Variants in AGAP1 observed in about 807,000 individuals in gnomAD.
AGAP1 encodes arf-GAP with GTPase, ANK repeat and PH domain-containing protein 1.
AGAP1 carries 29 observed loss-of-function variants against 105.3 expected under a neutral mutation model. That is an observed-to-expected ratio of 0.28 (90% CI 0.21 to 0.38). The LOEUF is 0.38. Ranked by LOEUF, AGAP1 falls within the 10% of genes least tolerant of loss-of-function variation. AGAP1 has a pLI of 1.00. For missense variants in AGAP1, 998 were observed against 1,165.1 expected (o/e 0.86, Z 2.09); for synonymous variants, 509 against 485.9 (o/e 1.05, Z -0.63).
At position 236,042,738 on chromosome 2, in the gene AGAP1, G is replaced by T. The variant is rs191240034; in HGVS notation, c.1891+1897G>T. ...GGGGTGGGAAAGGGAGGCCAGTGCA[G>T]GGGAGGTGTGGGCCAGTTTGTTCTG... On this transcript the variant is annotated intron_variant, in intron 15 of 17. Transcript: ENST00000304032. The surrounding 1 kb of genome is among the most constrained non-coding windows in gnomAD (Gnocchi z 5.6). Among the ~76,000 whole-genome samples the T allele has an allele frequency of 1.8e-4, 27 of 152,284 alleles. No individual in the cohort carries two copies. The highest frequency in any genetic ancestry group is 1.0e-4 in the Non-Finnish European group (7 of 68,028).
At chr2:235,762,386 A>T (rs188758374) in intron 6 of AGAP1, among the ~76,000 whole-genome samples, 180 of 152,214 alleles carry the variant, frequency 1.2e-3, no homozygotes, top group Non-Finnish European at 2.1e-3. Flanking sequence ...GGATGTGAGG[A>T]ATTCAGGCTC....
chr2:235,617,772 G>A (rs1946354017), intron 1 of AGAP1, among the ~76,000 whole-genome samples: 1 of 152,214 alleles, frequency 6.6e-6, no homozygotes, highest in Non-Finnish European at 1.5e-5. Context: ...AGTTTGGATA[G>A]AAACATGTCT....
intron 13 of AGAP1, among the ~76,000 whole-genome samples, chr2:236,008,915 G>A (rs1402991335): frequency 6.6e-6 from 1 of 152,166 alleles, no homozygotes; most frequent in Non-Finnish European, 1.5e-5. Flanking sequence ...TCTGTGTTTT[G>A]TGGCTCCAAA....
At chr2:235,895,126 G>C (rs1408632517) in intron 10 of AGAP1, among the ~76,000 whole-genome samples, 1 of 152,224 alleles carries the variant, frequency 6.6e-6, no homozygotes, top group African/African-American at 2.4e-5. Context: ...GCTCAGTTCA[G>C]CTAGCGCAGT....
Position 235,750,497 on chromosome 2 carries a change from G to GC in AGAP1, c.673+10dup, listed in dbSNP as rs1953338039. 20 of 1,614,088 alleles carry GC rather than the reference G, an allele frequency of 1.2e-5. 3 individuals carry two copies. The East Asian group carries it at 4.5e-4, about 36-fold the overall frequency. ...GAGGGTCTTCCAGGACGGTAAATGC[G>GC]CGTGGCTGGGAGTTTAATTTCAGTT... On this transcript the variant is annotated intron_variant, in intron 6 of 17. Coordinates refer to ENST00000304032, the MANE Select transcript of AGAP1 (RefSeq NM_001037131.3). The surrounding 1 kb of genome is among the most constrained non-coding windows in gnomAD (Gnocchi z 5.3).
intron 9 of AGAP1, among the ~76,000 whole-genome samples, chr2:235,868,310 A>C (rs1474065962): frequency 6.6e-6 from 1 of 152,202 alleles, no homozygotes; most frequent in Non-Finnish European, 1.5e-5. Context: ...CTGCAGCAGC[A>C]AGAGGATTCA....
chr2:235,823,155 T>C (rs1958889865), intron 9 of AGAP1, among the ~76,000 whole-genome samples: 1 of 152,214 alleles, frequency 6.6e-6, no homozygotes, highest in Admixed American at 6.5e-5. Flanking sequence ...GTATAGTATG[T>C]GTGTACATAT....
chr2:235,947,944 G>C (rs1274996385), intron 12 of AGAP1, among the ~76,000 whole-genome samples: 1 of 152,218 alleles, frequency 6.6e-6, no homozygotes, highest in Non-Finnish European at 1.5e-5. Context: ...AGAGTGTGCA[G>C]GTGATGAGGA....
chr2:236,037,359 T>C (rs1291108590), intron 14 of AGAP1: 2 of 152,136 alleles, frequency 1.3e-5, no homozygotes, highest in Non-Finnish European at 2.9e-5. Flanking sequence ...CAATTTGTTT[T>C]TTGTAGTTAC....
intron 16 of AGAP1, among the ~76,000 whole-genome samples, chr2:236,100,594 G>A (rs1054607704): frequency 6.6e-6 from 1 of 152,122 alleles, no homozygotes; most frequent in African/African-American, 2.4e-5. Context: ...GGTGGCCGAG[G>A]TGGGCAGATC....
chr2:236,065,808 A>G (rs1576214126), intron 16 of AGAP1, among the ~76,000 whole-genome samples: 1 of 152,338 alleles, frequency 6.6e-6, no homozygotes, highest in Admixed American at 6.5e-5. Flanking sequence ...CCCACCATCT[A>G]GCACTGCTTT....
Position 235,494,753 on chromosome 2 carries a change from G to A in AGAP1, c.67G>A (p.Val23Ile), listed in dbSNP as rs1454693855. 1 of 1,574,622 alleles carries A rather than the reference G, an allele frequency of 6.4e-7. No homozygotes were observed. Among genetic ancestry groups the A allele is most frequent in the Non-Finnish European group, 8.6e-7 (1 of 1,160,744 alleles). ...IRAEIQRFES[V>I]HPNIYSIYEL... is the part of the protein sequence containing the mutation. ...GGCCGAGATCCAGCGCTTCGAGTCG[G>A]TCCACCCCAACATCTACTCCATCTA... Residue 23 changes from valine to isoleucine, a missense_variant, in exon 1 of 18, where the codon GTC (valine) becomes ATC (isoleucine). Coordinates refer to ENST00000304032, the MANE Select transcript of AGAP1 (RefSeq NM_001037131.3).
At chr2:235,520,579 A>G (rs1361884131) in intron 1 of AGAP1, among the ~76,000 whole-genome samples, 2 of 151,966 alleles carry the variant, frequency 1.3e-5, no homozygotes, top group Admixed American at 6.6e-5. Context: ...CCCACCTTCT[A>G]TTTGTCCTTT....
intron 11 of AGAP1, among the ~76,000 whole-genome samples, chr2:235,918,131 G>A (rs770111914): frequency 2.0e-5 from 3 of 152,234 alleles, no homozygotes; most frequent in Non-Finnish European, 2.9e-5. Context: ...GTGGAACACA[G>A]ATCCTTGCTT....
In AGAP1 at chr2:235,953,042, A is replaced by T. The variant is rs866151525; in HGVS notation, c.1484-15420A>T. Among the ~76,000 whole-genome samples, 1 of 152,198 alleles carries T rather than the reference A, an allele frequency of 6.6e-6. No homozygotes were observed. The highest frequency in any genetic ancestry group is 1.5e-5 in the Non-Finnish European group (1 of 68,036). On this transcript the variant is annotated intron_variant, in intron 12 of 17. Transcript: ENST00000304032. The surrounding 1 kb of genome is among the most constrained non-coding windows in gnomAD (Gnocchi z 5.2). ...CTGGGCCTTCTGTACGAGGCACCTG[A>T]CACCACGATGCTATCACCATCCTCG... is the stretch of plus-strand genomic sequence containing the variant.
At position 236,053,171 on chromosome 2, in the gene AGAP1, C is replaced by G. The variant is rs1394400915; in HGVS notation, c.2114+3890C>G. Among the ~76,000 whole-genome samples the G allele has an allele frequency of 1.3e-5, 2 of 152,188 alleles. No individual in the cohort carries two copies. Among genetic ancestry groups the G allele is most frequent in the Non-Finnish European group, 2.9e-5 (2 of 68,030 alleles). On this transcript the variant is annotated intron_variant, in intron 16 of 17. Transcript: ENST00000304032. The surrounding 1 kb of genome is among the most constrained non-coding windows in gnomAD (Gnocchi z 4.6). The stretch of plus-strand genomic sequence containing the variant: ...ATGGTGTTACTGTAAGGAGAAGTTG[C>G]CAAGCTCCTTGGTGACCCTTTCAAA...
At chr2:235,871,668 C>T (rs1404551784) in intron 9 of AGAP1, among the ~76,000 whole-genome samples, 1 of 152,232 alleles carries the variant, frequency 6.6e-6, no homozygotes, top group Non-Finnish European at 1.5e-5. Flanking sequence ...CACCCTGAAA[C>T]TTCAGGGTTT....
chr2:235,853,724 C>A (rs1051297677), intron 9 of AGAP1, among the ~76,000 whole-genome samples: 3 of 152,088 alleles, frequency 2.0e-5, no homozygotes, highest in African/African-American at 7.3e-5. Flanking sequence ...ATAAGTGCAT[C>A]TACAAGTGCT....
At chr2:235,975,048 G>C (rs1176007304) in intron 13 of AGAP1, among the ~76,000 whole-genome samples, 2 of 152,316 alleles carry the variant, frequency 1.3e-5, no homozygotes, top group East Asian at 1.9e-4. Context: ...ACCTGTTGTA[G>C]AGCTTAATTT....
Sources: allele counts gnomAD v4.1 joint callset (sites outside exome capture counted in the v4.1 genomes callset), GRCh38; gene constraint gnomAD v4.1.1; non-coding constraint Gnocchi (gnomAD v3.1); transcripts MANE v1.5; gene names NCBI Gene and HGNC (gene_info 2026-07-23, HGNC 2026-07-21).